Variants in CRADD observed in about 807,000 individuals in gnomAD.
CRADD encodes CARD and death domain containing adaptor protein.
In CRADD, 9 loss-of-function variants were observed where a neutral mutation model predicts 15.5. The observed-to-expected ratio is 0.58, with a 90% confidence interval of 0.35 to 1.01. CRADD has a LOEUF of 1.01. Among genes scored for constraint, CRADD ranks in the 50% least tolerant of loss-of-function variants. CRADD has a pLI of 0.02. For missense variants in CRADD, 227 were observed against 250.3 expected, an observed-to-expected ratio of 0.91 and a Z score of 0.63; for synonymous variants, 118 against 107.6, an observed-to-expected ratio of 1.10 and a Z score of -0.60.
At chr12:93,863,624 G>GTGTGTGTGTGTGTGTGTT (rs1275304914) in intron 2 of CRADD, among the ~76,000 whole-genome samples, 1 of 151,138 alleles carries the variant, frequency 6.6e-6, no homozygotes, top group African/African-American at 2.4e-5. Flanking sequence ...GTGTGTGTGT[G>GTGTGTGTGTGTGTGTGTT]TGTGTGTGTG....
intron 2 of CRADD, among the ~76,000 whole-genome samples, chr12:93,773,635 A>T (rs535387197): frequency 1.3e-5 from 2 of 151,814 alleles, no homozygotes; most frequent in African/African-American, 4.8e-5. Context: ...GATATCTTTC[A>T]TCTAGTGGCC....
intron 2 of CRADD, among the ~76,000 whole-genome samples, chr12:93,725,189 C>T (rs922780938): frequency 6.6e-6 from 1 of 152,150 alleles, no homozygotes; most frequent in Non-Finnish European, 1.5e-5. Flanking sequence ...GTTCATCCCC[C>T]TGTTAATTAT....
intron 2 of CRADD, among the ~76,000 whole-genome samples, chr12:93,864,697 G>A (rs1958349257): frequency 1.3e-5 from 2 of 152,176 alleles, no homozygotes. Context: ...ACGAAGTCAT[G>A]ATTAACGAAG....
chr12:93,691,070 C>T (rs549375176), intron 2 of CRADD, among the ~76,000 whole-genome samples: 1 of 152,234 alleles, frequency 6.6e-6, no homozygotes, highest in East Asian at 1.9e-4. Flanking sequence ...AAACATATCT[C>T]TTCCCTTTCA....
At chr12:93,714,487 CAGTT>C (rs1225881672) in intron 2 of CRADD, 1 of 152,180 alleles carries the variant, frequency 6.6e-6, no homozygotes, top group African/African-American at 2.4e-5. Flanking sequence ...AACAGTGTAT[CAGTT>C]AGGAATGTGC....
intron 2 of CRADD, among the ~76,000 whole-genome samples, chr12:93,789,894 G>A (rs151257480): frequency 4.9e-4 from 75 of 152,214 alleles, no homozygotes; most frequent in African/African-American, 1.8e-3. Flanking sequence ...TCTCTGTTTT[G>A]TTCTCCTCCC....
chr12:93,872,543 T>C (rs1958430081), intron 2 of CRADD, among the ~76,000 whole-genome samples: 1 of 152,200 alleles, frequency 6.6e-6, no homozygotes, highest in Non-Finnish European at 1.5e-5. Flanking sequence ...TTCAAGGTCT[T>C]AGATTTAAGT....
downstream of CRADD, among the ~76,000 whole-genome samples, chr12:93,851,358 A>G (rs1444123455): frequency 6.6e-6 from 1 of 152,094 alleles, no homozygotes; most frequent in East Asian, 1.9e-4. Context: ...TCTCTCTTGC[A>G]TGCTCATTGA....
chr12:93,830,868 A>G (rs1376117639), intron 2 of CRADD, among the ~76,000 whole-genome samples: 6 of 152,238 alleles, frequency 3.9e-5, no homozygotes, highest in Non-Finnish European at 7.3e-5. Context: ...ATCTCCAAAC[A>G]ATTTACAGAA....
intron 2 of CRADD, among the ~76,000 whole-genome samples, chr12:93,687,098 A>T (rs1955457542): frequency 6.6e-6 from 1 of 152,218 alleles, no homozygotes; most frequent in Non-Finnish European, 1.5e-5. Flanking sequence ...CAAGGCTGAC[A>T]TAAAGGAAAA....
At chr12:93,761,785 AG>A (rs772259402) in intron 2 of CRADD, among the ~76,000 whole-genome samples, 57 of 152,232 alleles carry the variant, frequency 3.7e-4, no homozygotes, top group Non-Finnish European at 6.8e-4. Flanking sequence ...CATGACAAAT[AG>A]GAATAGAGAG....
chr12:93,843,224 A>G (rs912444222), intron 2 of CRADD, among the ~76,000 whole-genome samples: 15 of 152,182 alleles, frequency 9.9e-5, no homozygotes, highest in African/African-American at 3.6e-4. Context: ...GAAGCTCTGT[A>G]CAGCACATTG....
chr12:93,735,732 C>G (rs930899987), intron 2 of CRADD: 7 of 152,036 alleles, frequency 4.6e-5, no homozygotes, highest in African/African-American at 1.7e-4. Flanking sequence ...GAGACCCCAT[C>G]TCTACAAAAA....
chr12:93,793,259 T>C (rs1306682045), intron 2 of CRADD, among the ~76,000 whole-genome samples: 2 of 152,196 alleles, frequency 1.3e-5, no homozygotes, highest in Non-Finnish European at 2.9e-5. Flanking sequence ...CTAGAAACTC[T>C]AGAAATGTAC....
chr12:93,884,001 G>T (rs541428056), intron 2 of CRADD, among the ~76,000 whole-genome samples: 2 of 152,288 alleles, frequency 1.3e-5, no homozygotes, highest in Non-Finnish European at 2.9e-5. Context: ...GATGGAGGCT[G>T]CAGAGTCCCA....
intron 2 of CRADD, among the ~76,000 whole-genome samples, chr12:93,833,443 A>G (rs1163043844): frequency 1.3e-5 from 2 of 152,078 alleles, no homozygotes; most frequent in Non-Finnish European, 2.9e-5. Flanking sequence ...GGCCCAAGCA[A>G]TCCTTCCACC....
intron 1 of CRADD, 52 bp from the exon 2 acceptor site, chr12:93,678,717 A>G: frequency 6.4e-7 from 1 of 1,565,460 alleles, no homozygotes; most frequent in Non-Finnish European, 8.7e-7. Context: ...CACTGTCTTT[A>G]GGGCCACATC....
intron 2 of CRADD, among the ~76,000 whole-genome samples, chr12:93,843,791 G>A (rs1007104743): frequency 6.6e-6 from 1 of 151,944 alleles, no homozygotes; most frequent in African/African-American, 2.4e-5. Context: ...TGCGATCTCA[G>A]CTCACTGCAA....
chr12:93,854,969 G>A (rs376753796), downstream of CRADD, among the ~76,000 whole-genome samples: 2 of 152,070 alleles, frequency 1.3e-5, no homozygotes, highest in South Asian at 2.1e-4. Context: ...TGAGGCGGGC[G>A]GATCACTTGA....
Sources: gnomAD v4.1 joint callset for allele counts (sites outside exome capture counted in the v4.1 genomes callset) on GRCh38, gnomAD v4.1.1 for gene constraint, MANE v1.5 for transcripts, NCBI Gene and HGNC (gene_info 2026-07-23, HGNC 2026-07-21) for gene names.